The following SLC9A9 variants were observed in gnomAD, a reference collection of about 807,000 sequenced individuals.
The protein encoded by SLC9A9 is sodium/hydrogen exchanger 9.
A neutral mutation model predicts 77.8 loss-of-function variants in SLC9A9; 62 were observed. That is an observed-to-expected ratio of 0.80 (90% CI 0.65 to 0.98). SLC9A9 has a LOEUF of 0.98. SLC9A9 is among the 50% of genes least tolerant of loss of function. The probability of loss-of-function intolerance (pLI) is 0.00; values close to 1 mark genes in which losing one functional copy is unlikely to be tolerated. For missense variants in SLC9A9, 775 were observed against 774.9 expected, an observed-to-expected ratio of 1.00 and a Z score of 0.00; for synonymous variants, 320 against 283.5, an observed-to-expected ratio of 1.13 and a Z score of -1.29.
chr3:143,442,538 C>T (rs1287336034), intron 12 of SLC9A9, among the ~76,000 whole-genome samples: 1 of 152,090 alleles, frequency 6.6e-6, no homozygotes, highest in Non-Finnish European at 1.5e-5. Flanking sequence ...ATGGCCAACA[C>T]AGGGAAACCC....
intron 6 of SLC9A9, among the ~76,000 whole-genome samples, chr3:143,621,554 C>T (rs1001090991): frequency 2.0e-5 from 3 of 152,182 alleles, no homozygotes; most frequent in Non-Finnish European, 2.9e-5. Context: ...AGCTGAGGGT[C>T]CTGACTGTTA....
At chr3:143,552,305 T>C in intron 9 of SLC9A9, 57 bp downstream of exon 9, 1 of 1,283,230 alleles carries the variant, frequency 7.8e-7, no homozygotes, top group Non-Finnish European at 1.1e-6. Flanking sequence ...CCAGAATTGC[T>C]ACATAACCAT....
intron 12 of SLC9A9, among the ~76,000 whole-genome samples, chr3:143,441,735 C>T (rs965818413): frequency 1.8e-4 from 27 of 151,998 alleles, no homozygotes; most frequent in African/African-American, 5.8e-4. Flanking sequence ...CCTTGAGGGC[C>T]CTTCTCTCAG....
chr3:143,372,610 A>T (rs1015443068), intron 13 of SLC9A9, among the ~76,000 whole-genome samples: 2 of 152,216 alleles, frequency 1.3e-5, no homozygotes, highest in Non-Finnish European at 2.9e-5. Flanking sequence ...TAAAACAAAA[A>T]TAAATGGGGC....
chr3:143,272,324 G>A (rs1010087932), intron 14 of SLC9A9, among the ~76,000 whole-genome samples: 10 of 152,190 alleles, frequency 6.6e-5, no homozygotes, highest in African/African-American at 2.2e-4. Flanking sequence ...TCTCGAAACT[G>A]TGGTCTCCTG....
intron 2 of SLC9A9, among the ~76,000 whole-genome samples, chr3:143,824,805 A>C (rs1008739461): frequency 6.6e-6 from 1 of 152,264 alleles, no homozygotes; most frequent in African/African-American, 2.4e-5. Flanking sequence ...GTCATCTCAC[A>C]GGCCAACTTT....
In SLC9A9 at chr3:143,462,251, T is replaced by G. The variant is rs185293522; in HGVS notation, c.1469+4786A>C. 2.0e-5 allele frequency among the ~76,000 whole-genome samples: 3 copies of G among 152,194 alleles called. No individual in the cohort carries two copies. In the East Asian group the frequency reaches 5.8e-4, roughly 29 times the overall value. On this transcript the variant is annotated intron_variant, in intron 12 of 15. Transcript: ENST00000316549. ...AGCTGGGCATGGTGGTGCACACCTG[T>G]AGTCTCAGCTACTTGAGAGGCTGAG...
chr3:143,396,655 A>G (rs1038722304), intron 12 of SLC9A9, among the ~76,000 whole-genome samples: 2 of 152,154 alleles, frequency 1.3e-5, no homozygotes, highest in African/African-American at 4.8e-5. Context: ...TGCTTAGAAG[A>G]AGTAGCTGTT....
intron 2 of SLC9A9, among the ~76,000 whole-genome samples, chr3:143,821,204 T>C (rs1040922365): frequency 2.6e-5 from 4 of 152,230 alleles, no homozygotes; most frequent in Non-Finnish European, 4.4e-5. Context: ...ACACCAATCT[T>C]TCTCCATCAC....
intron 5 of SLC9A9, among the ~76,000 whole-genome samples, chr3:143,658,756 C>G (rs16853996): frequency 9.9e-4 from 151 of 152,118 alleles, no homozygotes; most frequent in African/African-American, 3.5e-3. Flanking sequence ...CTAGCAGTCA[C>G]TGAGAGTAGA....
intron 6 of SLC9A9, among the ~76,000 whole-genome samples, chr3:143,614,324 C>T (rs1422028098): frequency 6.6e-6 from 1 of 152,180 alleles, no homozygotes; most frequent in African/African-American, 2.4e-5. Context: ...CTCACCCTTG[C>T]TATGCATCAT....
At chr3:143,395,461 G>C (rs921321084) in intron 12 of SLC9A9, among the ~76,000 whole-genome samples, 8 of 152,016 alleles carry the variant, frequency 5.3e-5, no homozygotes, top group East Asian at 1.9e-4. Context: ...GATGGATTAA[G>C]GACTTAAATG....
At chr3:143,311,758 C>CTGAA (rs2031027369) in intron 14 of SLC9A9, among the ~76,000 whole-genome samples, 1 of 152,210 alleles carries the variant, frequency 6.6e-6, no homozygotes, top group African/African-American at 2.4e-5. Context: ...GAACTATGTT[C>CTGAA]TGAATGTTCT....
intron 14 of SLC9A9, among the ~76,000 whole-genome samples, chr3:143,324,789 T>G (rs1016922441): frequency 6.6e-6 from 1 of 152,074 alleles, no homozygotes; most frequent in African/African-American, 2.4e-5. Context: ...ACCACTACAC[T>G]CCAGCCTGGG....
intron 14 of SLC9A9, among the ~76,000 whole-genome samples, chr3:143,298,916 T>C (rs893910605): frequency 2.6e-4 from 39 of 152,180 alleles, no homozygotes; most frequent in African/African-American, 5.5e-4. Context: ...GAGGCCACCA[T>C]TGAGTTTGTG....
At chr3:143,606,436 C>CTCTATATATATATA (rs1419410834) in intron 6 of SLC9A9, among the ~76,000 whole-genome samples, 213 of 54,178 alleles carry the variant, frequency 3.9e-3, no homozygotes, top group East Asian at 7.4e-3. Context: ...CTCTCTCTCT[C>CTCTATATATATATA]TATATATATA....
At chr3:143,693,067 G>A in intron 5 of SLC9A9, 125 bp downstream of exon 5, 1 of 709,862 alleles carries the variant, frequency 1.4e-6, no homozygotes, top group Non-Finnish European at 2.4e-6. Context: ...TAACAGATAT[G>A]TCAACTGCAG....
chr3:143,430,534 G>T (rs138775430), intron 12 of SLC9A9, among the ~76,000 whole-genome samples: 1 of 152,178 alleles, frequency 6.6e-6, no homozygotes, highest in Non-Finnish European at 1.5e-5. Context: ...TAGTCTACCT[G>T]GGGCCCTGTG....
intron 4 of SLC9A9, among the ~76,000 whole-genome samples, chr3:143,763,311 A>G (rs963782650): frequency 6.6e-6 from 1 of 152,310 alleles, no homozygotes; most frequent in East Asian, 1.9e-4. Context: ...TCACAGCCTT[A>G]GAAATTTACA....
Sources: gnomAD v4.1 joint callset for allele counts (sites outside exome capture counted in the v4.1 genomes callset) on GRCh38, gnomAD v4.1.1 for gene constraint, MANE v1.5 for transcripts, NCBI Gene and HGNC (gene_info 2026-07-23, HGNC 2026-07-21) for gene names.